MECOM: variants seen among roughly 807,000 people sequenced by gnomAD.
MECOM encodes MDS1 and EVI1 complex locus, also known as histone-lysine N-methyltransferase MECOM.
A neutral mutation model predicts 116.3 loss-of-function variants in MECOM; 13 were observed. The observed-to-expected ratio is 0.11, with a 90% CI of 0.07 to 0.18. MECOM has a LOEUF of 0.18. Ranked by LOEUF, MECOM falls within the 10% of genes least tolerant of loss-of-function variation. MECOM has a pLI of 1.00. For missense variants in MECOM, 1,299 were observed against 1,509.0 expected (o/e 0.86, Z 2.31); for synonymous variants, 528 against 535.2 (o/e 0.99, Z 0.19).
chr3:169,647,715 G>A (rs1774360813), intron 1 of MECOM, among the ~76,000 whole-genome samples: 1 of 152,106 alleles, frequency 6.6e-6, no homozygotes, highest in Admixed American at 6.6e-5. Context: ...TGTGTGTTAA[G>A]TTTACACAGC....
At position 169,095,032 on chromosome 3, in the gene MECOM, G is replaced by A. The variant is rs779045869; in HGVS notation, c.3019+44C>T. 11 of 1,437,534 alleles carry A rather than the reference G, an allele frequency of 7.7e-6. No individual in the cohort carries two copies. The East Asian group carries it at 1.5e-4, about 19-fold the overall frequency. The allele number at this position is 1,437,534 out of a possible 1,614,324, so 89.0% of individuals were successfully genotyped here. The stretch of plus-strand genomic sequence containing the variant: ...ATTATCTTATTATCTTTTAAAACAC[G>A]AAAAAGAAGTCATCTTTGACTTATA... On this transcript the variant is annotated intron_variant, in intron 13 of 16. Coordinates refer to ENST00000651503, the MANE Select transcript of MECOM (RefSeq NM_004991.4).
At chr3:169,497,168 C>T (rs559536031) in intron 1 of MECOM, among the ~76,000 whole-genome samples, 14 of 152,142 alleles carry the variant, frequency 9.2e-5, no homozygotes, top group Non-Finnish European at 1.6e-4. Context: ...CTTCTCTTGA[C>T]TCCTTGCTTC....
chr3:169,233,807 C>T (rs2149528108), intron 2 of MECOM, among the ~76,000 whole-genome samples: 1 of 152,256 alleles, frequency 6.6e-6, no homozygotes, highest in South Asian at 2.1e-4. Flanking sequence ...TTGTAAAGAG[C>T]ATGCTGCACC....
chr3:169,534,749 T>C (rs1420122285), intron 1 of MECOM, among the ~76,000 whole-genome samples: 1 of 152,142 alleles, frequency 6.6e-6, no homozygotes, highest in Non-Finnish European at 1.5e-5. Context: ...CAAGGTGCTA[T>C]TCTCCCCATC....
chr3:169,338,243 G>T (rs1006441662), intron 2 of MECOM, among the ~76,000 whole-genome samples: 7 of 152,116 alleles, frequency 4.6e-5, no homozygotes, highest in African/African-American at 2.4e-5. Context: ...CATTCTTCAG[G>T]CACCAGCTGA....
intron 12 of MECOM, among the ~76,000 whole-genome samples, chr3:169,099,841 T>C (rs1313338626): frequency 6.6e-6 from 1 of 152,066 alleles, no homozygotes; most frequent in African/African-American, 2.4e-5. Context: ...TATTTTAAAA[T>C]TGGAAAGAGT....
chr3:169,154,361 G>A (rs1205704649), intron 2 of MECOM, among the ~76,000 whole-genome samples: 2 of 151,872 alleles, frequency 1.3e-5, no homozygotes, highest in Non-Finnish European at 2.9e-5. Context: ...TATCTTTTTT[G>A]CCCCTGTTGC....
At chr3:169,136,425 T>C (rs938736512) in intron 3 of MECOM, among the ~76,000 whole-genome samples, 4 of 151,246 alleles carry the variant, frequency 2.6e-5, no homozygotes, top group Non-Finnish European at 4.4e-5. Flanking sequence ...TTATATATTA[T>C]GTTTTATAAA....
intron 2 of MECOM, among the ~76,000 whole-genome samples, chr3:169,161,563 C>T (rs1035142517): frequency 3.9e-5 from 6 of 152,058 alleles, no homozygotes; most frequent in Non-Finnish European, 7.4e-5. Flanking sequence ...CCAGGTACCA[C>T]GTTGATGGTA....
intron 1 of MECOM, among the ~76,000 whole-genome samples, chr3:169,416,300 A>G (rs1176930913): frequency 6.6e-6 from 1 of 152,238 alleles, no homozygotes; most frequent in Non-Finnish European, 1.5e-5. Context: ...AAATTAAGGC[A>G]GAAATAAATA....
At chr3:169,416,335 A>G (rs992427737) in intron 1 of MECOM, among the ~76,000 whole-genome samples, 3 of 152,228 alleles carry the variant, frequency 2.0e-5, no homozygotes, top group Non-Finnish European at 1.5e-5. Flanking sequence ...AATGAAAACA[A>G]AGACACAATG....
At position 169,115,776 on chromosome 3, in the gene MECOM, A is replaced by G. The variant is rs1017842772; in HGVS notation, c.2096T>C (p.Phe699Ser). The change falls in exon 8 of 17, where the codon TTT becomes TCT. Residue 699 changes from phenylalanine to serine, a missense_variant. Phe to Ser is a radical substitution (Grantham distance 155). Coordinates refer to ENST00000651503, the MANE Select transcript of MECOM (RefSeq NM_004991.4). ...CATTGATTGAGAGAATGCTGGAAAA[A>G]ATGGGAGGGGAAACATGGAAGGGTA... ...LPYPSMFPLPFFPAFSQSMYP... is the reference protein window; with the variant it reads ...LPYPSMFPLPSFPAFSQSMYP... 5.6e-6 allele frequency: 9 copies of G among 1,614,044 alleles called. No individual in the cohort carries two copies. The highest frequency in any genetic ancestry group is 5.9e-6 in the Non-Finnish European group (7 of 1,180,042).
At chr3:169,097,232 A>T (rs142401316) in intron 12 of MECOM, among the ~76,000 whole-genome samples, 22 of 152,262 alleles carry the variant, frequency 1.4e-4, no homozygotes, top group African/African-American at 5.3e-4. Context: ...TTGCACACAA[A>T]GGGTCTTTTC....
chr3:169,501,943 A>G (rs747492064), intron 1 of MECOM, among the ~76,000 whole-genome samples: 13 of 152,154 alleles, frequency 8.5e-5, no homozygotes, highest in Non-Finnish European at 1.8e-4. Flanking sequence ...AAATAATTAT[A>G]CTGGCTGAAA....
At position 169,516,998 on chromosome 3, in the gene MECOM, C is replaced by T. The variant is rs1756713441; in HGVS notation, c.38-135474G>A. 2.0e-5 allele frequency among the ~76,000 whole-genome samples: 3 copies of T among 152,308 alleles called. No homozygotes were observed. In the South Asian group the frequency reaches 6.2e-4, roughly 32 times the overall value. Reference sequence around the variant, plus strand: ...TGTGGCATGAGCAATAGGAACTTTCCTTTCAGGTCACTGATCAATTCAGTC... The same window carrying T: ...TGTGGCATGAGCAATAGGAACTTTCTTTTCAGGTCACTGATCAATTCAGTC... On this transcript the variant is annotated intron_variant, in intron 1 of 16. Coordinates refer to ENST00000651503, the MANE Select transcript of MECOM (RefSeq NM_004991.4).
chr3:169,092,683 T>C (rs1011532661), intron 14 of MECOM, among the ~76,000 whole-genome samples: 1 of 152,104 alleles, frequency 6.6e-6, no homozygotes, highest in Non-Finnish European at 1.5e-5. Context: ...TGATTACTTA[T>C]GTGACCTCTG....
chr3:169,360,494 T>C (rs779249800), intron 2 of MECOM, among the ~76,000 whole-genome samples: 6 of 151,686 alleles, frequency 4.0e-5, no homozygotes, highest in Non-Finnish European at 7.4e-5. Context: ...CAGGACTCAC[T>C]GGACAACCAG....
intron 1 of MECOM, among the ~76,000 whole-genome samples, chr3:169,460,899 A>C (rs1427491371): frequency 6.6e-6 from 1 of 152,198 alleles, no homozygotes; most frequent in Non-Finnish European, 1.5e-5. Context: ...GGGAGAGTCC[A>C]AGATATATGG....
At chr3:169,653,337 T>C (rs1161804899) in intron 1 of MECOM, among the ~76,000 whole-genome samples, 1 of 152,148 alleles carries the variant, frequency 6.6e-6, no homozygotes, top group Non-Finnish European at 1.5e-5. Flanking sequence ...AGAAATGGGC[T>C]CTCCAGGAGT....
Sources: allele counts gnomAD v4.1 joint callset (sites outside exome capture counted in the v4.1 genomes callset), GRCh38; gene constraint gnomAD v4.1.1; transcripts MANE v1.5; gene names NCBI Gene and HGNC (gene_info 2026-07-23, HGNC 2026-07-21).